Variants in EYS observed in about 807,000 individuals in gnomAD.
EYS encodes protein eyes shut homolog.
Under a neutral mutation model 282.1 loss-of-function variants are expected in EYS, and 250 were observed. That is an observed-to-expected ratio of 0.89 (90% CI 0.80 to 0.98). The LOEUF is 0.98. Ranked by LOEUF, EYS falls within the 50% of genes least tolerant of loss-of-function variation. The pLI, the probability that EYS is intolerant of heterozygous loss-of-function variation, is 0.00. For missense variants in EYS, 4,016 were observed against 3,709.0 expected (o/e 1.08, Z -2.15); for synonymous variants, 1,355 against 1,282.9 (o/e 1.06, Z -1.20).
intron 22 of EYS, among the ~76,000 whole-genome samples, chr6:64,781,769 C>T (rs541806629): frequency 6.6e-6 from 1 of 152,236 alleles, no homozygotes; most frequent in South Asian, 2.1e-4. Context: ...ACAAGCCCCA[C>T]TACCCCCAAT....
At chr6:65,372,751 C>T (rs1765209408) in intron 8 of EYS, among the ~76,000 whole-genome samples, 1 of 151,876 alleles carries the variant, frequency 6.6e-6, no homozygotes. Flanking sequence ...AGGAAGTTCG[C>T]CATCCTTATG....
chr6:65,056,655 A>T (rs1395359517), intron 13 of EYS, among the ~76,000 whole-genome samples: 1 of 152,074 alleles, frequency 6.6e-6, no homozygotes, highest in Non-Finnish European at 1.5e-5. Flanking sequence ...CTGTATCTTT[A>T]AAGATGTATG....
chr6:64,127,653 T>C (rs1304530708), intron 31 of EYS, among the ~76,000 whole-genome samples: 2 of 152,130 alleles, frequency 1.3e-5, no homozygotes. Context: ...TTGAAAATAA[T>C]GTAAGCTATA....
At chr6:64,727,767 A>G (rs751498610) in intron 22 of EYS, among the ~76,000 whole-genome samples, 1 of 152,242 alleles carries the variant, frequency 6.6e-6, no homozygotes, top group Non-Finnish European at 1.5e-5. Flanking sequence ...AGAACATAGT[A>G]TGGACTTCAT....
At chr6:64,439,716 T>TTG (rs1774871857) in intron 26 of EYS, among the ~76,000 whole-genome samples, 1 of 151,880 alleles carries the variant, frequency 6.6e-6, no homozygotes, top group Non-Finnish European at 1.5e-5. Context: ...TTGTTAATAA[T>TTG]TTAATTTGGG....
intron 2 of EYS, among the ~76,000 whole-genome samples, chr6:65,627,029 C>T (rs73742027): frequency 4.4e-5 from 6 of 136,716 alleles, no homozygotes; most frequent in African/African-American, 1.5e-4. Context: ...CTTTCTTTCT[C>T]TTTCTTTCTC....
At chr6:65,524,755 T>A (rs775016008) in intron 2 of EYS, among the ~76,000 whole-genome samples, 10 of 152,178 alleles carry the variant, frequency 6.6e-5, no homozygotes, top group Non-Finnish European at 1.2e-4. Flanking sequence ...CCATGAATGG[T>A]AGTTCTAGCA....
intron 31 of EYS, among the ~76,000 whole-genome samples, chr6:64,122,143 C>T (rs1773610851): frequency 6.6e-6 from 1 of 152,004 alleles, no homozygotes; most frequent in African/African-American, 2.4e-5. Flanking sequence ...AGTAGCACTT[C>T]AAGTGCATTT....
At chr6:64,207,739 C>G (rs1051815006) in intron 31 of EYS, among the ~76,000 whole-genome samples, 1 of 152,032 alleles carries the variant, frequency 6.6e-6, no homozygotes, top group African/African-American at 2.4e-5. Flanking sequence ...ATCACTGCAA[C>G]CTCCGCCTCC....
intron 31 of EYS, among the ~76,000 whole-genome samples, chr6:64,188,282 C>T (rs2150315209): frequency 6.6e-6 from 1 of 152,128 alleles, no homozygotes; most frequent in Non-Finnish European, 1.5e-5. Flanking sequence ...AGAAAATTTG[C>T]ATGGAATTCC....
intron 31 of EYS, among the ~76,000 whole-genome samples, chr6:64,210,659 A>T (rs1168747070): frequency 2.0e-5 from 3 of 152,176 alleles, no homozygotes; most frequent in African/African-American, 4.8e-5. Flanking sequence ...GCAATGATTA[A>T]ATTCAAGATT....
At chr6:64,014,260 T>G (rs1384349457) in intron 33 of EYS, among the ~76,000 whole-genome samples, 1 of 151,854 alleles carries the variant, frequency 6.6e-6, no homozygotes, top group East Asian at 1.9e-4. Context: ...TCACTCACAT[T>G]AGGTGGTAAA....
At chr6:64,511,820 G>GA (rs1468150987) in intron 26 of EYS, among the ~76,000 whole-genome samples, 1 of 135,830 alleles carries the variant, frequency 7.4e-6, no homozygotes, top group African/African-American at 2.6e-5. Context: ...CTAAATTTTG[G>GA]GGGGGGGTGT....
chr6:65,617,933 T>C (rs1385851589), intron 2 of EYS, among the ~76,000 whole-genome samples: 1 of 151,966 alleles, frequency 6.6e-6, no homozygotes, highest in African/African-American at 2.4e-5. Flanking sequence ...GTGCCACATT[T>C]TCTTAATCCA....
intron 12 of EYS, among the ~76,000 whole-genome samples, chr6:65,138,853 C>A (rs1313262256): frequency 1.3e-5 from 2 of 152,022 alleles, no homozygotes; most frequent in Non-Finnish European, 2.9e-5. Flanking sequence ...CATCACTAAT[C>A]GTTAGAGAAG....
chr6:64,821,904 C>T (rs774775675), intron 20 of EYS, among the ~76,000 whole-genome samples, 181 bp from the exon 21 acceptor site: 14 of 151,894 alleles, frequency 9.2e-5, no homozygotes, highest in South Asian at 2.1e-4. Flanking sequence ...ACTGAAAAAA[C>T]GGATCAATTT....
chr6:63,785,546 T>C (rs1487046100), intron 39 of EYS, among the ~76,000 whole-genome samples: 1 of 152,192 alleles, frequency 6.6e-6, no homozygotes, highest in African/African-American at 2.4e-5. Context: ...TTGGCAGATG[T>C]AGATTATTTA....
chr6:63,734,461 G>A (rs1175528252), intron 41 of EYS, among the ~76,000 whole-genome samples: 1 of 152,138 alleles, frequency 6.6e-6, no homozygotes, highest in Non-Finnish European at 1.5e-5. Context: ...TTGCTGCACT[G>A]AGAATACAGT....
At chr6:64,541,335 T>G (rs1764690595) in intron 26 of EYS, among the ~76,000 whole-genome samples, 1 of 152,180 alleles carries the variant, frequency 6.6e-6, no homozygotes, top group South Asian at 2.1e-4. Flanking sequence ...TTTTCATTAT[T>G]CCTATTATAG....
Sources: gnomAD v4.1 joint callset for allele counts (sites outside exome capture counted in the v4.1 genomes callset) on GRCh38, gnomAD v4.1.1 for gene constraint, MANE v1.5 for transcripts, NCBI Gene and HGNC (gene_info 2026-07-23, HGNC 2026-07-21) for gene names.